Variants in ROBO1 observed in about 807,000 individuals in gnomAD.
ROBO1 encodes roundabout homolog 1.
A neutral mutation model predicts 195.9 loss-of-function variants in ROBO1; 149 were observed. That is an observed-to-expected ratio of 0.76 (90% confidence interval 0.67 to 0.87). The LOEUF is 0.87. Among genes scored for constraint, ROBO1 ranks in the 40% least tolerant of loss-of-function variants. The pLI, the probability that ROBO1 is intolerant of heterozygous loss-of-function variation, is 0.00. For synonymous variants in ROBO1, 816 were observed against 733.2 expected, an observed-to-expected ratio of 1.11 and a Z score of -1.82; for missense variants, 1,933 against 2,068.3, an observed-to-expected ratio of 0.93 and a Z score of 1.27.
At chr3:79,408,571 G>C (rs2037643345) in intron 2 of ROBO1, among the ~76,000 whole-genome samples, 1 of 151,976 alleles carries the variant, frequency 6.6e-6, no homozygotes, top group South Asian at 2.1e-4. Context: ...TGAAAATTGA[G>C]AGTGATATGG....
At chr3:79,303,074 A>G (rs2033041757) in intron 2 of ROBO1, among the ~76,000 whole-genome samples, 1 of 151,878 alleles carries the variant, frequency 6.6e-6, no homozygotes, top group African/African-American at 2.4e-5. Context: ...GTATGTATTT[A>G]TAATGTATAA....
At chr3:79,397,179 T>C (rs542713034) in intron 2 of ROBO1, among the ~76,000 whole-genome samples, 1 of 151,262 alleles carries the variant, frequency 6.6e-6, no homozygotes, top group Non-Finnish European at 1.5e-5. Flanking sequence ...AAAAGTGTTT[T>C]GGAAGACTTG....
At chr3:79,438,755 T>C (rs1308265078) in intron 2 of ROBO1, among the ~76,000 whole-genome samples, 2 of 152,062 alleles carry the variant, frequency 1.3e-5, no homozygotes, top group Non-Finnish European at 2.9e-5. Flanking sequence ...TACATAACAA[T>C]AAAATATGTG....
chr3:79,185,603 C>A (rs1190288655), intron 2 of ROBO1, among the ~76,000 whole-genome samples: 1 of 152,046 alleles, frequency 6.6e-6, no homozygotes, highest in African/African-American at 2.4e-5. Context: ...TCTAATCTGT[C>A]TCCAGGGTAC....
intron 1 of ROBO1, among the ~76,000 whole-genome samples, chr3:79,731,909 A>G (rs1703162482): frequency 3.3e-5 from 5 of 152,188 alleles, no homozygotes; most frequent in African/African-American, 9.7e-5. Flanking sequence ...GGGGGAGAAC[A>G]GAAACTGAAA....
chr3:78,712,253 C>T (rs1008523864), intron 8 of ROBO1, among the ~76,000 whole-genome samples: 3 of 152,052 alleles, frequency 2.0e-5, no homozygotes, highest in South Asian at 2.1e-4. Flanking sequence ...TGTTTGAGCT[C>T]GTAGTGACTC....
chr3:79,332,960 G>T (rs888300627), intron 2 of ROBO1, among the ~76,000 whole-genome samples: 1 of 152,078 alleles, frequency 6.6e-6, no homozygotes, highest in Non-Finnish European at 1.5e-5. Flanking sequence ...CCAGCACGTT[G>T]GGAGTCTGAG....
intron 1 of ROBO1, among the ~76,000 whole-genome samples, chr3:79,651,026 A>T (rs1205843777): frequency 6.6e-6 from 1 of 152,104 alleles, no homozygotes; most frequent in Non-Finnish European, 1.5e-5. Context: ...TTAGAATTTT[A>T]ATTCAATTAT....
intron 8 of ROBO1, among the ~76,000 whole-genome samples, chr3:78,703,947 G>A (rs2081483544): frequency 6.6e-6 from 1 of 152,004 alleles, no homozygotes; most frequent in Admixed American, 6.6e-5. Flanking sequence ...GATCCAGTTT[G>A]CTATGTCTTG....
chr3:78,989,753 G>A (rs1377100527), intron 3 of ROBO1, among the ~76,000 whole-genome samples: 1 of 152,096 alleles, frequency 6.6e-6, no homozygotes, highest in Non-Finnish European at 1.5e-5. Flanking sequence ...TCCTTCTGTT[G>A]TATAAATTAA....
chr3:79,732,603 C>T (rs564097459), intron 1 of ROBO1, among the ~76,000 whole-genome samples: 8 of 152,166 alleles, frequency 5.3e-5, no homozygotes, highest in East Asian at 1.9e-4. Context: ...GCTCCCTTGC[C>T]GCTCTATGAA....
At chr3:78,721,533 C>T (rs2082044136) in intron 5 of ROBO1, among the ~76,000 whole-genome samples, 1 of 151,942 alleles carries the variant, frequency 6.6e-6, no homozygotes, top group Non-Finnish European at 1.5e-5. Context: ...AAGAATTGTA[C>T]AATGATACAT....
At chr3:78,944,849 C>A (rs2040332918) in intron 3 of ROBO1, among the ~76,000 whole-genome samples, 1 of 152,200 alleles carries the variant, frequency 6.6e-6, no homozygotes, top group African/African-American at 2.4e-5. Flanking sequence ...TAAAAAACGG[C>A]ACACCAGGAG....
intron 2 of ROBO1, among the ~76,000 whole-genome samples, chr3:79,200,538 C>T (rs937684596): frequency 2.0e-5 from 3 of 151,572 alleles, no homozygotes; most frequent in African/African-American, 4.8e-5. Context: ...TTAAATATTA[C>T]ATACTGTAAT....
At chr3:79,663,524 A>G (rs896280665) in intron 1 of ROBO1, among the ~76,000 whole-genome samples, 1 of 151,678 alleles carries the variant, frequency 6.6e-6, no homozygotes, top group Non-Finnish European at 1.5e-5. Flanking sequence ...TTCACTTACT[A>G]TTTTCTTTCT....
At chr3:78,721,691 T>C (rs1477445451) in intron 5 of ROBO1, among the ~76,000 whole-genome samples, 1 of 152,074 alleles carries the variant, frequency 6.6e-6, no homozygotes, top group Non-Finnish European at 1.5e-5. Context: ...CATAGAAAAA[T>C]TGTGAGTCAA....
chr3:79,707,229 T>C (rs1017991715), intron 1 of ROBO1, among the ~76,000 whole-genome samples: 6 of 152,142 alleles, frequency 3.9e-5, no homozygotes, highest in South Asian at 2.1e-4. Context: ...TACTGACATA[T>C]GGTGTCTTTC....
At position 78,636,045 on chromosome 3, in the gene ROBO1, T is replaced by A. The variant is rs1441938140; in HGVS notation, c.3101A>T (p.Glu1034Val). Residue 1034 changes from glutamate to valine, a missense_variant, in exon 23 of 31, where the codon GAG becomes GTG. Physicochemically the swap from Glu to Val is moderately radical, Grantham distance 121. Coordinates refer to ENST00000464233, the MANE Select transcript of ROBO1 (RefSeq NM_002941.4). ...GTCCACATCACCATAAACAGTTGAC[T>A]CAGGGAGCATCAGATTTGTTTGTTT... ...DNKQTNLMLP[E>V]STVYGDVDLS... 5.0e-6 allele frequency: 8 copies of A among 1,613,782 alleles called. No individual in the cohort carries two copies. The highest frequency in any genetic ancestry group is 5.9e-6 in the Non-Finnish European group (7 of 1,179,750).
chr3:78,739,715 T>C (rs1276955993), intron 5 of ROBO1, among the ~76,000 whole-genome samples: 3 of 152,194 alleles, frequency 2.0e-5, no homozygotes, highest in African/African-American at 7.2e-5. Flanking sequence ...AAAACCTTTG[T>C]TATGTTATAG....
Sources: allele counts gnomAD v4.1 joint callset (sites outside exome capture counted in the v4.1 genomes callset), GRCh38; gene constraint gnomAD v4.1.1; transcripts MANE v1.5; gene names NCBI Gene and HGNC (gene_info 2026-07-23, HGNC 2026-07-21).